The following RCOR3 variants were observed in gnomAD, a reference collection of about 807,000 sequenced individuals.
RCOR3 encodes REST corepressor 3.
A neutral mutation model predicts 64.1 loss-of-function variants in RCOR3; 13 were observed. That is an observed-to-expected ratio of 0.20 (90% CI 0.13 to 0.32). RCOR3 has a LOEUF of 0.32. Ranked by LOEUF, RCOR3 falls within the 10% of genes least tolerant of loss-of-function variation. The pLI is 1.00. For synonymous variants in RCOR3, 215 were observed against 239.0 expected (o/e 0.90, Z 0.93); for missense variants, 489 against 701.2 (o/e 0.70, Z 3.42).
chr1:211,313,630 G>A lies in RCOR3; in HGVS notation c.1524G>A (p.Gln508=), dbSNP rs759510367. The change falls in exon 12 of 12, where the codon CAG becomes CAA. Residue 508 remains glutamine, a synonymous_variant. Transcript: ENST00000419091. The surrounding 1 kb of genome is among the most constrained non-coding windows in gnomAD (Gnocchi z 4.7). ...TCCAGCCCCGGCCAACTTTAAATCA[G>A]CCTCCACCACCTCTTATTCGCCCTG... The part of the protein sequence containing the change: ...RFIQPRPTLN[Q]PPPPLIRPAN... 4 of 1,614,124 alleles carry A rather than the reference G, an allele frequency of 2.5e-6. No individual in the cohort carries two copies. In the East Asian group the frequency reaches 8.9e-5, roughly 36 times the overall value.
chr1:211,279,299 A>G lies in RCOR3; in HGVS notation c.703A>G (p.Lys235Glu). The G allele has an allele frequency of 6.2e-7, 1 of 1,611,316 alleles. No individual in the cohort carries two copies. ...GAATGATAGTGATTATGATCCCAAA[A>G]AAGAAGCCAAAAAAGAGGTAATGAT... is the stretch of plus-strand genomic sequence containing the variant. ...DGNDSDYDPK[K>E]EAKKEGNTEQ... The change falls in exon 7 of 12, where the codon AAA becomes GAA. Residue 235 changes from lysine (K) to glutamate (E), a missense_variant. Coordinates refer to ENST00000419091, the MANE Select transcript of RCOR3 (RefSeq NM_001136223.3).
chr1:211,298,775 G>A (rs1004949073), intron 9 of RCOR3, among the ~76,000 whole-genome samples: 2 of 152,184 alleles, frequency 1.3e-5, no homozygotes, highest in Non-Finnish European at 2.9e-5. Flanking sequence ...GGGAGGCCGA[G>A]GCGGGCGGAT....
rs150721756 is a variant in RCOR3 at position 211,274,060 on chromosome 1, C to G, written c.302-150C>G. 6.7e-3 allele frequency: 3,545 copies of G among 527,634 alleles called. 116 individuals carry two copies. The Admixed American group carries it at 0.07, about 10-fold the overall frequency. The allele number at this position is 527,634 out of a possible 1,614,324, so 32.7% of individuals were successfully genotyped here. A position where few individuals can be genotyped will look rare whatever the true frequency, so the allele number is the denominator to read the frequency against. On this transcript the variant is annotated intron_variant, in intron 3 of 11. Coordinates refer to ENST00000419091, the MANE Select transcript of RCOR3 (RefSeq NM_001136223.3). Reference sequence around the variant, plus strand: ...CATCTGATCTTGCTATGATAAGTCTCTTTTTGTAACATTTCATGGGAGGTG... The same window carrying G: ...CATCTGATCTTGCTATGATAAGTCTGTTTTTGTAACATTTCATGGGAGGTG...
chr1:211,279,765 C>T (rs930533175), intron 7 of RCOR3, among the ~76,000 whole-genome samples: 1 of 152,132 alleles, frequency 6.6e-6, no homozygotes, highest in African/African-American at 2.4e-5. Context: ...CCTTTGTTTC[C>T]CAGAAACGTG....
intron 9 of RCOR3, among the ~76,000 whole-genome samples, chr1:211,299,894 G>A (rs534330621): frequency 1.1e-4 from 17 of 151,898 alleles, no homozygotes; most frequent in Non-Finnish European, 2.2e-4. Context: ...CTTTACCAAA[G>A]TTTCTCAGGT....
Position 211,286,095 on chromosome 1 carries a change from G to A in RCOR3, c.721-3083G>A, listed in dbSNP as rs1175013180. ...TCTTATAAGGAGCATACAGCTGGGC[G>A]TATGTATTAATATTTTATCTGAAGA... On this transcript the variant is annotated intron_variant, in intron 7 of 11. Coordinates refer to ENST00000419091, the MANE Select transcript of RCOR3 (RefSeq NM_001136223.3). Among the ~76,000 whole-genome samples, 8 of 152,102 alleles carry A rather than the reference G, an allele frequency of 5.3e-5. No individual in the cohort carries two copies. In the South Asian group the frequency reaches 1.0e-3, roughly 20 times the overall value.
At chr1:211,290,375 C>G (rs1352650953) in intron 8 of RCOR3, among the ~76,000 whole-genome samples, 1 of 152,178 alleles carries the variant, frequency 6.6e-6, no homozygotes, top group East Asian at 1.9e-4. Context: ...TATCCCTTTC[C>G]CAACACATGT....
chr1:211,309,220 T>C (rs1195304911), intron 10 of RCOR3, among the ~76,000 whole-genome samples: 1 of 152,128 alleles, frequency 6.6e-6, no homozygotes, highest in Non-Finnish European at 1.5e-5. Flanking sequence ...ACTCCACTAA[T>C]TCAGAATGTC....
chr1:211,306,284 G>A (rs769079608), intron 10 of RCOR3, among the ~76,000 whole-genome samples: 2 of 151,874 alleles, frequency 1.3e-5, no homozygotes, highest in African/African-American at 2.4e-5. Context: ...GTTAAGGGGC[G>A]TAATTGCAGG....
chr1:211,279,372 A>G, intron 7 of RCOR3, 56 bp downstream of exon 7: 1 of 1,337,124 alleles, frequency 7.5e-7, no homozygotes, highest in Non-Finnish European at 1.1e-6. Flanking sequence ...CTGAAAAAGA[A>G]TGAACAGTAC....
intron 7 of RCOR3, among the ~76,000 whole-genome samples, chr1:211,282,365 A>C (rs927159857): frequency 6.6e-6 from 1 of 152,226 alleles, no homozygotes; most frequent in Admixed American, 6.5e-5. Context: ...GCATGTTGTT[A>C]ACATATTACA....
At chr1:211,310,075 A>T (rs1701328662) in intron 10 of RCOR3, among the ~76,000 whole-genome samples, 1 of 152,220 alleles carries the variant, frequency 6.6e-6, no homozygotes, top group African/African-American at 2.4e-5. Context: ...ATAGGGAAGA[A>T]AAATCATATT....
intron 2 of RCOR3, among the ~76,000 whole-genome samples, chr1:211,266,537 A>G (rs544933518): frequency 6.6e-6 from 1 of 152,172 alleles, no homozygotes; most frequent in Non-Finnish European, 1.5e-5. Context: ...ACGCTACTAT[A>G]GTCTTTTAAA....
chr1:211,260,028 T>C (rs1021011365), intron 1 of RCOR3, 80 bp from the exon 2 acceptor site: 1 of 1,467,838 alleles, frequency 6.8e-7, no homozygotes, highest in Non-Finnish European at 8.9e-7. Context: ...TAGCGATTTT[T>C]ATTTTTTAAG....
intron 9 of RCOR3, chr1:211,303,563 T>C (rs1385354464): frequency 3.9e-5 from 6 of 152,602 alleles, no homozygotes; most frequent in African/African-American, 1.4e-4. Context: ...TGTTGTAATA[T>C]TACCATACTG....
Position 211,313,928 on chromosome 1 carries a change from T to A in RCOR3, c.*160T>A. ...GCATAAGTGGATGTCTAAGAAATTT[T>A]TCAGTTCACTAGACTAAAATGTTTT... is the stretch of plus-strand genomic sequence containing the variant. On this transcript the variant is annotated 3_prime_UTR_variant, in exon 12 of 12. Transcript: ENST00000419091. The surrounding 1 kb of genome is among the most constrained non-coding windows in gnomAD (Gnocchi z 4.7). 1.5e-6 allele frequency: 1 copy of A among 685,154 alleles called. No individual in the cohort carries two copies. Among genetic ancestry groups the A allele is most frequent in the South Asian group, 2.0e-5 (1 of 50,262 alleles). 42.4% of individuals were successfully genotyped at this position (685,154 alleles called of 1,614,324 possible).
intron 8 of RCOR3, among the ~76,000 whole-genome samples, chr1:211,289,739 C>T (rs1289882040): frequency 6.6e-6 from 1 of 152,184 alleles, no homozygotes; most frequent in Non-Finnish European, 1.5e-5. Context: ...TAGTGCTTGG[C>T]ACATTTTGAG....
intron 2 of RCOR3, among the ~76,000 whole-genome samples, chr1:211,265,644 G>A (rs1023546710): frequency 6.6e-6 from 1 of 152,130 alleles, no homozygotes; most frequent in Non-Finnish European, 1.5e-5. Flanking sequence ...GCTTGAACCT[G>A]GGAGGCGGAG....
chr1:211,312,332 C>T lies in RCOR3; in HGVS notation c.1076-388C>T, dbSNP rs1354406988. ...GCTCATTCCCATCCAGTTTTGTTTA[C>T]AAACGATGTTGCTCAAATTTAGGTG... On this transcript the variant is annotated intron_variant, in intron 10 of 11. Transcript: ENST00000419091. The surrounding 1 kb of genome is among the most constrained non-coding windows in gnomAD (Gnocchi z 5.0). 2.2e-6 allele frequency: 1 copy of T among 459,720 alleles called. No homozygotes were observed. Among genetic ancestry groups the T allele is most frequent in the South Asian group, 1.5e-5 (1 of 64,586 alleles). The allele number at this position is 459,720 out of a possible 1,614,324, so 28.5% of individuals were successfully genotyped here.
Sources: gnomAD v4.1 joint callset for allele counts (sites outside exome capture counted in the v4.1 genomes callset) on GRCh38, gnomAD v4.1.1 for gene constraint, Gnocchi (gnomAD v3.1) non-coding constraint, MANE v1.5 for transcripts, NCBI Gene and HGNC (gene_info 2026-07-23, HGNC 2026-07-21) for gene names.